The following BDKRB2 variants were observed in gnomAD, a reference collection of about 807,000 sequenced individuals.
BDKRB2 encodes the protein bradykinin receptor B2, also known as B2 bradykinin receptor.
In BDKRB2, 6 loss-of-function variants were observed where a neutral mutation model predicts 4.0. The ratio of observed to expected loss-of-function variants is 1.49; its 90% confidence interval spans 0.81 to 2.93. The LOEUF is 2.93. BDKRB2 is among the 30% of genes most tolerant of loss of function. The probability of loss-of-function intolerance (pLI) is 0.00; values close to 1 mark genes in which losing one functional copy is unlikely to be tolerated. For missense variants in BDKRB2, 478 were observed against 520.1 expected, an observed-to-expected ratio of 0.92 and a Z score of 0.79; for synonymous variants, 225 against 215.3, an observed-to-expected ratio of 1.05 and a Z score of -0.40.
intron 1 of BDKRB2, among the ~76,000 whole-genome samples, chr14:96,205,991 C>T (rs868867444): frequency 1.3e-5 from 2 of 152,106 alleles, no homozygotes; most frequent in Non-Finnish European, 2.9e-5. Context: ...GTGATGGGGG[C>T]CTCCCTGGCC....
chr14:96,215,882 GA>G (rs1026359299), intron 1 of BDKRB2, among the ~76,000 whole-genome samples: 2 of 152,172 alleles, frequency 1.3e-5, no homozygotes, highest in African/African-American at 4.8e-5. Context: ...TACAGATAAG[GA>G]AACTGAGACT....
intron 1 of BDKRB2, among the ~76,000 whole-genome samples, chr14:96,227,857 G>A (rs758765023): frequency 5.9e-5 from 9 of 152,202 alleles, no homozygotes; most frequent in South Asian, 2.1e-4. Context: ...TCTCAGGGAC[G>A]GAACACCCAT....
chr14:96,227,806 G>A (rs1039834740), intron 1 of BDKRB2, among the ~76,000 whole-genome samples: 9 of 152,238 alleles, frequency 5.9e-5, no homozygotes, highest in African/African-American at 1.2e-4. Flanking sequence ...GCAAGATTGC[G>A]AGACAGATTT....
chr14:96,225,665 C>T (rs993875426), intron 1 of BDKRB2, among the ~76,000 whole-genome samples: 3 of 152,178 alleles, frequency 2.0e-5, no homozygotes, highest in African/African-American at 7.2e-5. Flanking sequence ...AGGGATAAAA[C>T]TCCACCTGTC....
chr14:96,235,145 C>A (rs956458388), intron 1 of BDKRB2, among the ~76,000 whole-genome samples: 1 of 151,970 alleles, frequency 6.6e-6, no homozygotes. Flanking sequence ...GTCAGGAGTT[C>A]GAGACCAACC....
At chr14:96,229,518 A>C (rs1017537554) in intron 1 of BDKRB2, among the ~76,000 whole-genome samples, 6 of 152,158 alleles carry the variant, frequency 3.9e-5, no homozygotes, top group African/African-American at 7.2e-5. Context: ...AGTTGAGGAC[A>C]AGCTTCCTTA....
At chr14:96,212,848 T>G (rs1890332436) in intron 1 of BDKRB2, among the ~76,000 whole-genome samples, 1 of 152,076 alleles carries the variant, frequency 6.6e-6, no homozygotes, top group Non-Finnish European at 1.5e-5. Context: ...TATAGAAAGG[T>G]AGGATAGCAG....
At chr14:96,214,471 C>T (rs1047028524) in intron 1 of BDKRB2, among the ~76,000 whole-genome samples, 38 of 152,326 alleles carry the variant, frequency 2.5e-4, no homozygotes, top group Admixed American at 1.1e-3. Flanking sequence ...ATCCCACAAG[C>T]GGGGACCTGG....
Position 96,204,853 on chromosome 14 carries a change from T to C in BDKRB2, c.-146T>C. ...TTCCCGCCGCCACTCCAGCTCTGGC[T>C]TCTGGGCTCCGAGGAGGGGTGGGGA... On this transcript the variant is annotated 5_prime_UTR_variant, in exon 1 of 3. Transcript: ENST00000554311. 1 of 380,822 alleles carries C rather than the reference T, an allele frequency of 2.6e-6. No homozygotes were observed. The highest frequency in any genetic ancestry group is 5.3e-6 in the Non-Finnish European group (1 of 189,648). 23.6% of individuals were successfully genotyped at this position (380,822 alleles called of 1,614,324 possible). A position where few individuals can be genotyped will look rare whatever the true frequency, so the allele number is the denominator to read the frequency against.
chr14:96,221,435 A>G (rs1890558249), intron 1 of BDKRB2, among the ~76,000 whole-genome samples: 1 of 152,098 alleles, frequency 6.6e-6, no homozygotes, highest in Admixed American at 6.5e-5. Context: ...GCTGTAGACC[A>G]CCAATGTGGG....
intron 1 of BDKRB2, among the ~76,000 whole-genome samples, chr14:96,231,022 G>A (rs1019115261): frequency 1.3e-5 from 2 of 152,054 alleles, no homozygotes; most frequent in Admixed American, 6.6e-5. Flanking sequence ...TAATAAAACT[G>A]AAAAGCCCAG....
intron 1 of BDKRB2, among the ~76,000 whole-genome samples, chr14:96,214,976 T>C (rs1273737160): frequency 6.6e-6 from 1 of 152,216 alleles, no homozygotes; most frequent in Non-Finnish European, 1.5e-5. Flanking sequence ...AGAGAGTTCC[T>C]TTAAGCACAA....
intron 1 of BDKRB2, among the ~76,000 whole-genome samples, chr14:96,223,574 G>A (rs1436698400): frequency 2.0e-5 from 3 of 152,112 alleles, no homozygotes; most frequent in African/African-American, 7.3e-5. Flanking sequence ...TCAGCTGAGT[G>A]TGACCCTAGG....
intron 1 of BDKRB2, among the ~76,000 whole-genome samples, chr14:96,228,692 A>G (rs1890753029): frequency 1.3e-5 from 2 of 152,204 alleles, no homozygotes; most frequent in South Asian, 4.1e-4. Flanking sequence ...GTGGGAAAAC[A>G]GGAATGTGAA....
chr14:96,207,564 A>G (rs1890216428), intron 1 of BDKRB2, among the ~76,000 whole-genome samples: 1 of 152,200 alleles, frequency 6.6e-6, no homozygotes, highest in Non-Finnish European at 1.5e-5. Flanking sequence ...AAACCCACAG[A>G]ATGTCCATCA....
intron 1 of BDKRB2, among the ~76,000 whole-genome samples, chr14:96,207,198 C>T (rs1479607942): frequency 6.6e-6 from 1 of 152,152 alleles, no homozygotes; most frequent in East Asian, 1.9e-4. Context: ...CTCAAGCTGC[C>T]TCCTCTGCAC....
At chr14:96,217,602 A>G (rs901227002) in intron 1 of BDKRB2, among the ~76,000 whole-genome samples, 1 of 152,206 alleles carries the variant, frequency 6.6e-6, no homozygotes, top group Non-Finnish European at 1.5e-5. Context: ...TGCCATAACA[A>G]CTGGGTCCCC....
chr14:96,240,308 G>T lies in BDKRB2; in HGVS notation c.75-95G>T, dbSNP rs530857940. The T allele has an allele frequency of 1.3e-5, 17 of 1,354,978 alleles. No individual in the cohort carries two copies. In the South Asian group the frequency reaches 4.3e-4, roughly 34 times the overall value. 83.9% of individuals were successfully genotyped at this position (1,354,978 alleles called of 1,614,324 possible). A position where few individuals can be genotyped will look rare whatever the true frequency, so the allele number is the denominator to read the frequency against. ...TCCACCTCGGCTTCTCCTTGCCCTGGCTGGTTGTCCTTAACCCCTGTCTCC... is the reference window on the plus strand; with the variant it reads ...TCCACCTCGGCTTCTCCTTGCCCTGTCTGGTTGTCCTTAACCCCTGTCTCC... On this transcript the variant is annotated intron_variant, in intron 2 of 2. Transcript: ENST00000554311.
rs1885310455 is a variant in BDKRB2, at chr14:96,242,226, AG to A, written c.*723del. ...GGAACGACTGGGCACTGCCACCACCAGAAAGCTGTTCGACGAGACGGTCGAG... is the reference window on the plus strand; with the variant it reads ...GGAACGACTGGGCACTGCCACCACCAAAAGCTGTTCGACGAGACGGTCGAG... On this transcript the variant is annotated 3_prime_UTR_variant, in exon 3 of 3. Transcript: ENST00000554311. 6.6e-6 allele frequency: 1 copy of A among 152,244 alleles called. No homozygotes were observed. The highest frequency in any genetic ancestry group is 2.4e-5 in the African/African-American group (1 of 41,460). The allele number at this position is 152,244 out of a possible 1,614,324, so 9.4% of individuals were successfully genotyped here.
Sources: gnomAD v4.1 joint callset for allele counts (sites outside exome capture counted in the v4.1 genomes callset) on GRCh38, gnomAD v4.1.1 for gene constraint, MANE v1.5 for transcripts, NCBI Gene and HGNC (gene_info 2026-07-23, HGNC 2026-07-21) for gene names.